Variants in BRIP1 observed in about 807,000 individuals in gnomAD.
BRIP1 encodes the protein BRCA1 interacting DNA helicase 1, also known as Fanconi anemia group J protein.
Under a neutral mutation model 119.7 loss-of-function variants are expected in BRIP1, and 88 were observed. That is an observed-to-expected ratio of 0.74 (90% CI 0.62 to 0.88). The LOEUF is 0.88. Ranked by LOEUF, BRIP1 falls within the 40% of genes least tolerant of loss-of-function variation. The pLI is 0.00. For synonymous variants in BRIP1, 443 were observed against 496.5 expected (o/e 0.89, Z 1.43); for missense variants, 1,259 against 1,455.4 (o/e 0.87, Z 2.20).
At position 61,683,731 on chromosome 17, in the gene BRIP1, C is replaced by T. The variant is rs1603275236; in HGVS notation, c.3315G>A (p.Leu1105=). Residue 1105 remains leucine (L), a synonymous_variant, in exon 20 of 20, where the codon TTG becomes TTA. Transcript: ENST00000259008. This position sits in a 1 kb window ranked among gnomAD's most constrained non-coding sequence, Gnocchi z 4.7. ...GTTTATCTTCTTCACTTACTAGAGACAATTCAATGTCTGGATCCAGGGCTT... is the reference window on the plus strand; with the variant it reads ...GTTTATCTTCTTCACTTACTAGAGATAATTCAATGTCTGGATCCAGGGCTT... ...SEEALDPDIE[L]SLVSEEDKQS... 6.2e-7 allele frequency: 1 copy of T among 1,614,116 alleles called. No homozygotes were observed. Among genetic ancestry groups the T allele is most frequent in the Non-Finnish European group, 8.5e-7 (1 of 1,180,004 alleles).
chr17:61,852,258 G>C lies in BRIP1; in HGVS notation c.380-3002C>G, dbSNP rs2078832642. Among the ~76,000 whole-genome samples the C allele has an allele frequency of 6.6e-6, 1 of 152,134 alleles. No homozygotes were observed. The highest frequency in any genetic ancestry group is 1.9e-4 in the East Asian group (1 of 5,198). On this transcript the variant is annotated intron_variant, in intron 4 of 19. Transcript: ENST00000259008. This position sits in a 1 kb window ranked among gnomAD's most constrained non-coding sequence, Gnocchi z 4.9. The stretch of plus-strand genomic sequence containing the variant: ...TATCTTCCTGGTCTTGATAGCAAGG[G>C]AGTTTGAAGGAAGTTCATCAAAGGG...
Position 61,757,222 on chromosome 17 carries a change from A to C in BRIP1, c.2098-12631T>G, listed in dbSNP as rs1463797798. Reference sequence around the variant, plus strand: ...AAATGAATGTCCTTAATTTTTGCTAAATACAAACTGAAAATATAAGAAAAC... The same window carrying C: ...AAATGAATGTCCTTAATTTTTGCTACATACAAACTGAAAATATAAGAAAAC... On this transcript the variant is annotated intron_variant, in intron 14 of 19. Transcript: ENST00000259008. This position sits in a 1 kb window ranked among gnomAD's most constrained non-coding sequence, Gnocchi z 4.3. Among the ~76,000 whole-genome samples, 3 of 152,152 alleles carry C rather than the reference A, an allele frequency of 2.0e-5. No individual in the cohort carries two copies. Among genetic ancestry groups the C allele is most frequent in the African/African-American group, 7.2e-5 (3 of 41,446 alleles).
rs1328167016 is a variant in BRIP1, at chr17:61,795,416, C to A, written c.1341-1687G>T. On this transcript the variant is annotated intron_variant, in intron 9 of 19. Coordinates refer to ENST00000259008, the MANE Select transcript of BRIP1 (RefSeq NM_032043.3). The surrounding 1 kb of genome is among the most constrained non-coding windows in gnomAD (Gnocchi z 5.6). ...GATCCCCATCTACTACCCTTGCCAG[C>A]CTCTGGTAAACCATCCTTCTACTCT... Among the ~76,000 whole-genome samples, 1 of 152,012 alleles carries A rather than the reference C, an allele frequency of 6.6e-6. No individual in the cohort carries two copies. The highest frequency in any genetic ancestry group is 1.5e-5 in the Non-Finnish European group (1 of 67,958).
Position 61,755,361 on chromosome 17 carries a change from A to G in BRIP1, c.2098-10770T>C, listed in dbSNP as rs2077186900. ...GATCACTTGAGCCCAGGAGTTCAAG[A>G]CCAGCCTGGGCAACTTGGCAAAACC... On this transcript the variant is annotated intron_variant, in intron 14 of 19. Transcript: ENST00000259008. The surrounding 1 kb of genome is among the most constrained non-coding windows in gnomAD (Gnocchi z 4.5). Among the ~76,000 whole-genome samples, 1 of 152,048 alleles carries G rather than the reference A, an allele frequency of 6.6e-6. No homozygotes were observed. Among genetic ancestry groups the G allele is most frequent in the South Asian group, 2.1e-4 (1 of 4,832 alleles).
chr17:61,729,055 C>T lies in BRIP1; in HGVS notation c.2380-12992G>A, dbSNP rs954761084. Among the ~76,000 whole-genome samples, 10 of 151,240 alleles carry T rather than the reference C, an allele frequency of 6.6e-5. No individual in the cohort carries two copies. Among genetic ancestry groups the T allele is most frequent in the East Asian group, 1.9e-4 (1 of 5,182 alleles). ...CAGCACTTTGGGAGGCTGAGGCGGG[C>T]GGATCTTCTGAGGTCGGGAGTTCGA... On this transcript the variant is annotated intron_variant, in intron 16 of 19. Coordinates refer to ENST00000259008, the MANE Select transcript of BRIP1 (RefSeq NM_032043.3). This position sits in a 1 kb window ranked among gnomAD's most constrained non-coding sequence, Gnocchi z 5.6.
Position 61,803,369 on chromosome 17 carries a change from G to A in BRIP1, c.919-1895C>T, listed in dbSNP as rs2078024844. On this transcript the variant is annotated intron_variant, in intron 7 of 19. Transcript: ENST00000259008. This position sits in a 1 kb window ranked among gnomAD's most constrained non-coding sequence, Gnocchi z 4.3. ...AAAGTGCTGGGGATTACAGGCATGA[G>A]CCACTGCACTCCACCCCATTCTATC... 6.6e-6 allele frequency among the ~76,000 whole-genome samples: 1 copy of A among 152,046 alleles called. No homozygotes were observed. The highest frequency in any genetic ancestry group is 1.5e-5 in the Non-Finnish European group (1 of 68,002).
In BRIP1 at chr17:61,825,981, C is replaced by T. The variant is rs144994207; in HGVS notation, c.628-17224G>A. On this transcript the variant is annotated intron_variant, in intron 6 of 19. Coordinates refer to ENST00000259008, the MANE Select transcript of BRIP1 (RefSeq NM_032043.3). This position sits in a 1 kb window ranked among gnomAD's most constrained non-coding sequence, Gnocchi z 4.1. ...GCAAAAAGAACAAAGCTGGAGGCAT[C>T]GCACTACCCAACTTCAAACTATACT... Among the ~76,000 whole-genome samples, 503 of 152,256 alleles carry T rather than the reference C, an allele frequency of 3.3e-3. 2 individuals carry two copies. The highest frequency in any genetic ancestry group is 0.011 in the African/African-American group (476 of 41,544).
intron 4 of BRIP1, among the ~76,000 whole-genome samples, chr17:61,855,901 T>C (rs2078889939): frequency 6.6e-6 from 1 of 151,930 alleles, no homozygotes; most frequent in African/African-American, 2.4e-5. Context: ...ACAAGTGCTA[T>C]AAAGGAAAGG....
chr17:61,690,441 G>A lies in BRIP1; in HGVS notation c.2575+2989C>T, dbSNP rs188500773. Among the ~76,000 whole-genome samples the A allele has an allele frequency of 5.8e-3, 878 of 152,278 alleles. 7 individuals carry two copies. Among genetic ancestry groups the A allele is most frequent in the Non-Finnish European group, 8.9e-3 (604 of 68,012 alleles). ...TTAATAATAAAATGTGATGGGAAAAGTAAAAGTGTAGAGTTTATACAACTG... is the reference window on the plus strand; with the variant it reads ...TTAATAATAAAATGTGATGGGAAAAATAAAAGTGTAGAGTTTATACAACTG... On this transcript the variant is annotated intron_variant, in intron 18 of 19. Transcript: ENST00000259008. This position sits in a 1 kb window ranked among gnomAD's most constrained non-coding sequence, Gnocchi z 5.6.
chr17:61,683,155 G>T lies in BRIP1; in HGVS notation c.*141C>A. 1.8e-6 allele frequency: 2 copies of T among 1,086,760 alleles called. No homozygotes were observed. Among genetic ancestry groups the T allele is most frequent in the Non-Finnish European group, 2.6e-6 (2 of 768,984 alleles). The allele number at this position is 1,086,760 out of a possible 1,614,324, so 67.3% of individuals were successfully genotyped here. ...CAAAAAAAAAAACCCAAAAACTCAA[G>T]AATAATAACATTTACATTTCTGAAC... is the stretch of plus-strand genomic sequence containing the variant. On this transcript the variant is annotated 3_prime_UTR_variant, in exon 20 of 20. Transcript: ENST00000259008. This position sits in a 1 kb window ranked among gnomAD's most constrained non-coding sequence, Gnocchi z 4.7.
At position 61,710,271 on chromosome 17, in the gene BRIP1, T is replaced by C. The variant is rs1256509530; in HGVS notation, c.2492+5680A>G. 6.6e-6 allele frequency among the ~76,000 whole-genome samples: 1 copy of C among 152,172 alleles called. No homozygotes were observed. Among genetic ancestry groups the C allele is most frequent in the African/African-American group, 2.4e-5 (1 of 41,428 alleles). On this transcript the variant is annotated intron_variant, in intron 17 of 19. Transcript: ENST00000259008. The surrounding 1 kb of genome is among the most constrained non-coding windows in gnomAD (Gnocchi z 5.4). ...ATGTTTTGAAGCTCTAAAAGCTCTCTGGGCAATGTTGTATGGCAGGAAAAA... is the reference window on the plus strand; with the variant it reads ...ATGTTTTGAAGCTCTAAAAGCTCTCCGGGCAATGTTGTATGGCAGGAAAAA...
At chr17:61,764,649 CA>C (rs1291818710) in intron 14 of BRIP1, among the ~76,000 whole-genome samples, 1 of 152,108 alleles carries the variant, frequency 6.6e-6, no homozygotes, top group East Asian at 1.9e-4. Context: ...CTAGAACCTC[CA>C]AGTTTTTCTA....
At position 61,861,603 on chromosome 17, in the gene BRIP1, C is replaced by G. The variant is rs2145867716; in HGVS notation, c.-30-34G>C. On this transcript the variant is annotated intron_variant, in intron 1 of 19. Coordinates refer to ENST00000259008, the MANE Select transcript of BRIP1 (RefSeq NM_032043.3). This position sits in a 1 kb window ranked among gnomAD's most constrained non-coding sequence, Gnocchi z 4.5. ...GAAATGAAAATGTCAAATATTGAGACACGCCTTACAAAGAAAACCAGAGAA... is the reference window on the plus strand; with the variant it reads ...GAAATGAAAATGTCAAATATTGAGAGACGCCTTACAAAGAAAACCAGAGAA... The G allele has an allele frequency of 8.1e-7, 1 of 1,235,486 alleles. No homozygotes were observed. The highest frequency in any genetic ancestry group is 1.2e-6 in the Non-Finnish European group (1 of 838,278). The allele number at this position is 1,235,486 out of a possible 1,614,324, so 76.5% of individuals were successfully genotyped here.
chr17:61,759,705 T>C lies in BRIP1; in HGVS notation c.2098-15114A>G, dbSNP rs1265098574. ...ATCATATATAAACGGTTAATGTTTA[T>C]ACTATACTGCAGTCTATTATGTGTA... On this transcript the variant is annotated intron_variant, in intron 14 of 19. Transcript: ENST00000259008. The surrounding 1 kb of genome is among the most constrained non-coding windows in gnomAD (Gnocchi z 4.9). 3.3e-5 allele frequency among the ~76,000 whole-genome samples: 5 copies of C among 152,094 alleles called. No homozygotes were observed. The highest frequency in any genetic ancestry group is 5.9e-5 in the Non-Finnish European group (4 of 67,966).
At chr17:61,763,877 C>G (rs2077313717) in intron 14 of BRIP1, among the ~76,000 whole-genome samples, 1 of 152,024 alleles carries the variant, frequency 6.6e-6, no homozygotes, top group Non-Finnish European at 1.5e-5. Context: ...AAAGTAAGTA[C>G]AGCATTTCTC....
At chr17:61,784,810 T>C (rs1047235437) in intron 10 of BRIP1, among the ~76,000 whole-genome samples, 6 of 152,132 alleles carry the variant, frequency 3.9e-5, no homozygotes, top group Non-Finnish European at 8.8e-5. Context: ...CCCCTTCACC[T>C]TTTGCCATCA....
chr17:61,697,370 A>AAAAAAT (rs2061545076), intron 17 of BRIP1, among the ~76,000 whole-genome samples: 1 of 128,422 alleles, frequency 7.8e-6, no homozygotes, highest in Non-Finnish European at 1.6e-5. Flanking sequence ...AAAAAAAAAA[A>AAAAAAT]AGATATTCTA....
Position 61,720,732 on chromosome 17 carries a change from A to G in BRIP1, c.2380-4669T>C, listed in dbSNP as rs1392835865. Among the ~76,000 whole-genome samples, 1 of 152,168 alleles carries G rather than the reference A, an allele frequency of 6.6e-6. No homozygotes were observed. The highest frequency in any genetic ancestry group is 1.9e-4 in the East Asian group (1 of 5,196). ...TCTAGGTCTAATCGAGTGTCATGGT[A>G]TTGCAGTGCTTAGGTTCAAGTGACC... On this transcript the variant is annotated intron_variant, in intron 16 of 19. Coordinates refer to ENST00000259008, the MANE Select transcript of BRIP1 (RefSeq NM_032043.3). This position sits in a 1 kb window ranked among gnomAD's most constrained non-coding sequence, Gnocchi z 4.3.
rs930644447 is a variant in BRIP1 at position 61,710,255 on chromosome 17, A to C, written c.2492+5696T>G. ...GATATTCCAGGAAAGCATGTTTTGA[A>C]GCTCTAAAAGCTCTCTGGGCAATGT... On this transcript the variant is annotated intron_variant, in intron 17 of 19. Coordinates refer to ENST00000259008, the MANE Select transcript of BRIP1 (RefSeq NM_032043.3). This position sits in a 1 kb window ranked among gnomAD's most constrained non-coding sequence, Gnocchi z 5.4. 6.6e-6 allele frequency among the ~76,000 whole-genome samples: 1 copy of C among 152,180 alleles called. No homozygotes were observed. The highest frequency in any genetic ancestry group is 2.4e-5 in the African/African-American group (1 of 41,438).
Sources: gnomAD v4.1 joint callset for allele counts (sites outside exome capture counted in the v4.1 genomes callset) on GRCh38, gnomAD v4.1.1 for gene constraint, Gnocchi (gnomAD v3.1) non-coding constraint, MANE v1.5 for transcripts, NCBI Gene and HGNC (gene_info 2026-07-23, HGNC 2026-07-21) for gene names.